Variants in GLIS1 observed in about 807,000 individuals in gnomAD.
GLIS1 encodes the protein GLIS family zinc finger 1.
GLIS1 carries 24 observed loss-of-function variants against 63.8 expected under a neutral mutation model. The ratio of observed to expected loss-of-function variants is 0.38; its 90% CI spans 0.27 to 0.53. The LOEUF is 0.53. GLIS1 is among the 20% of genes least tolerant of loss of function. GLIS1 has a pLI of 0.85. For synonymous variants in GLIS1, 450 were observed against 482.5 expected, an observed-to-expected ratio of 0.93 and a Z score of 0.88; for missense variants, 1,036 against 1,074.1, an observed-to-expected ratio of 0.96 and a Z score of 0.50.
intron 5 of GLIS1, among the ~76,000 whole-genome samples, chr1:53,525,418 T>C (rs1164830854): frequency 4.7e-4 from 1 of 2,138 alleles, no homozygotes; most frequent in African/African-American, 3.0e-3. Flanking sequence ...CCAATAGCTG[T>C]GAGAGGCTGG....
chr1:53,636,000 A>C (rs1645718574), intron 2 of GLIS1, among the ~76,000 whole-genome samples: 1 of 152,234 alleles, frequency 6.6e-6, no homozygotes, highest in Non-Finnish European at 1.5e-5. Context: ...TTTTCCAGTA[A>C]TTGCTATCCA....
chr1:53,606,950 C>T (rs781464332), intron 2 of GLIS1, among the ~76,000 whole-genome samples: 2 of 152,096 alleles, frequency 1.3e-5, no homozygotes, highest in African/African-American at 4.8e-5. Context: ...CCGAGCCAGC[C>T]CATAGCTCCA....
intron 2 of GLIS1, among the ~76,000 whole-genome samples, chr1:53,680,406 C>A (rs947972567): frequency 6.6e-6 from 1 of 152,186 alleles, no homozygotes; most frequent in Non-Finnish European, 1.5e-5. Context: ...CTCAGTGGCA[C>A]CAGTACTGGG....
At chr1:53,567,569 C>G (rs12119543) in intron 4 of GLIS1, among the ~76,000 whole-genome samples, 25,756 of 152,196 alleles carry the variant, frequency 0.17, 2,376 homozygotes, top group South Asian at 0.22. Flanking sequence ...ATCTCCAGGG[C>G]ACATCAGAGA....
At chr1:53,599,152 A>G (rs1221200113) in intron 3 of GLIS1, among the ~76,000 whole-genome samples, 1 of 152,208 alleles carries the variant, frequency 6.6e-6, no homozygotes, top group Admixed American at 6.5e-5. Context: ...GCTGTCAGCA[A>G]ACCAGAGGGC....
At chr1:53,644,816 G>T (rs1400877932) in intron 2 of GLIS1, among the ~76,000 whole-genome samples, 1 of 152,162 alleles carries the variant, frequency 6.6e-6, no homozygotes, top group Admixed American at 6.5e-5. Flanking sequence ...TGCCACAGGG[G>T]CTCACTCCAC....
chr1:53,556,533 C>A (rs1486961106), intron 4 of GLIS1, among the ~76,000 whole-genome samples: 6 of 99,754 alleles, frequency 6.0e-5, no homozygotes, highest in Non-Finnish European at 3.7e-5. Context: ...TGCAGGTGTA[C>A]TGCAGGTGTG....
chr1:53,705,889 G>C (rs1041805173), intron 2 of GLIS1, among the ~76,000 whole-genome samples: 1 of 152,180 alleles, frequency 6.6e-6, no homozygotes, highest in Non-Finnish European at 1.5e-5. Flanking sequence ...GAAGGCCAAG[G>C]TAATATCCCA....
At chr1:53,633,087 ATGAGTG>A (rs1255015531) in intron 2 of GLIS1, among the ~76,000 whole-genome samples, 1 of 118,070 alleles carries the variant, frequency 8.5e-6, no homozygotes, top group Non-Finnish European at 1.7e-5. Context: ...GGGCGTGTGA[ATGAGTG>A]TGACTGAGGG....
chr1:53,561,994 A>T (rs1451871736), intron 4 of GLIS1, among the ~76,000 whole-genome samples: 1 of 152,138 alleles, frequency 6.6e-6, no homozygotes, highest in African/African-American at 2.4e-5. Context: ...CACAGTGTGA[A>T]CCCAGCGCAG....
chr1:53,648,948 C>T (rs570355098), intron 2 of GLIS1, among the ~76,000 whole-genome samples: 14 of 152,278 alleles, frequency 9.2e-5, no homozygotes, highest in East Asian at 1.9e-4. Context: ...TACATACTTA[C>T]GATTTGTGTA....
intron 2 of GLIS1, among the ~76,000 whole-genome samples, chr1:53,613,741 A>G (rs1476902806): frequency 6.6e-6 from 1 of 152,188 alleles, no homozygotes; most frequent in African/African-American, 2.4e-5. Context: ...TCCACACCAC[A>G]CAAGGAACTG....
intron 4 of GLIS1, among the ~76,000 whole-genome samples, chr1:53,564,454 A>G (rs554425044): frequency 2.0e-5 from 3 of 152,342 alleles, no homozygotes; most frequent in African/African-American, 7.2e-5. Context: ...TAGAAAGCAA[A>G]ATGTAAGATA....
chr1:53,606,327 G>C (rs887646612), intron 2 of GLIS1, among the ~76,000 whole-genome samples: 6 of 152,198 alleles, frequency 3.9e-5, no homozygotes, highest in Non-Finnish European at 7.3e-5. Context: ...TTCCCCAGGA[G>C]GCTGAGCATG....
At chr1:53,563,906 A>G (rs1350314178) in intron 4 of GLIS1, among the ~76,000 whole-genome samples, 2 of 152,202 alleles carry the variant, frequency 1.3e-5, no homozygotes, top group Non-Finnish European at 2.9e-5. Context: ...TTTTCAAAGC[A>G]CCGAAAGAAA....
chr1:53,717,951 C>T (rs1270530880), intron 2 of GLIS1, among the ~76,000 whole-genome samples: 2 of 152,194 alleles, frequency 1.3e-5, no homozygotes, highest in Non-Finnish European at 2.9e-5. Context: ...TGCGAAGCAT[C>T]CACCCCAGAC....
At chr1:53,666,904 G>A (rs1165496848) in intron 2 of GLIS1, among the ~76,000 whole-genome samples, 13 of 152,170 alleles carry the variant, frequency 8.5e-5, no homozygotes, top group Admixed American at 8.5e-4. Context: ...CCAGGGACCA[G>A]CCTTCTTCCA....
chr1:53,653,756 G>C (rs114833543), intron 2 of GLIS1, among the ~76,000 whole-genome samples: 3,037 of 152,252 alleles, frequency 0.02, 119 homozygotes, highest in African/African-American at 0.069. Context: ...CCTGCTGAAA[G>C]GGGGTGTGGC....
Position 53,600,170 on chromosome 1 carries a change from G to A in GLIS1, c.368C>T (p.Ala123Val), listed in dbSNP as rs765581689. Reference protein sequence around the residue: ...PTCCQGLFLPAGSPPPRAHPQ... With the variant: ...PTCCQGLFLPVGSPPPRAHPQ... The stretch of plus-strand genomic sequence containing the variant: ...GTGAGCCCGGGGCGGTGGGCTTCCT[G>A]CAGGGAGAAACAGGCCCTGGCAGCA... Residue 123 changes from alanine (A) to valine (V), a missense_variant, in exon 3 of 11, where the codon GCA becomes GTA. Physicochemically the swap from Ala to Val is moderately conservative, Grantham distance 64 (BLOSUM62 0). Around this residue, in one of 3 missense-constraint regions of GLIS1, gnomAD observed 592 missense variants for 593.9 expected, o/e 1.00. Coordinates refer to ENST00000628545, the MANE Select transcript of GLIS1 (RefSeq NM_001367484.1). 32 of 1,231,470 alleles carry A rather than the reference G, an allele frequency of 2.6e-5. No individual in the cohort carries two copies. The highest frequency in any genetic ancestry group is 3.2e-5 in the Non-Finnish European group (32 of 987,316). 76.3% of individuals were successfully genotyped at this position (1,231,470 alleles called of 1,614,324 possible).
Sources: allele counts gnomAD v4.1 joint callset (sites outside exome capture counted in the v4.1 genomes callset), GRCh38; gene constraint gnomAD v4.1.1; regional missense constraint gnomAD v4.1.1; transcripts MANE v1.5; gene names NCBI Gene and HGNC (gene_info 2026-07-23, HGNC 2026-07-21).